The following UTRN variants were observed in gnomAD, a reference collection of about 807,000 sequenced individuals.
The protein encoded by UTRN is utrophin, also known as dystrophin-related protein 1.
A neutral mutation model predicts 463.9 loss-of-function variants in UTRN; 283 were observed. The ratio of observed to expected loss-of-function variants is 0.61; its 90% confidence interval spans 0.55 to 0.67. UTRN has a LOEUF of 0.67. UTRN is among the 30% of genes least tolerant of loss of function. The pLI is 0.00. For synonymous variants in UTRN, 1,442 were observed against 1,431.5 expected (o/e 1.01, Z -0.17); for missense variants, 3,922 against 4,084.3 (o/e 0.96, Z 1.08).
intron 50 of UTRN, among the ~76,000 whole-genome samples, chr6:144,571,756 ATATGCCTAGTTT>A (rs1169766222): frequency 6.6e-5 from 10 of 152,130 alleles, no homozygotes; most frequent in South Asian, 2.1e-4. Flanking sequence ...CCTTATTTTT[ATATGCCTAGTTT>A]TCTTTGCACC....
intron 9 of UTRN, among the ~76,000 whole-genome samples, chr6:144,429,967 C>A (rs538838248): frequency 3.2e-4 from 49 of 152,282 alleles, no homozygotes; most frequent in African/African-American, 1.2e-3. Flanking sequence ...CTTTATTTCA[C>A]CCAGCAAAAC....
rs750606025 is a variant in UTRN, at chr6:144,521,932, A to AAG, written c.5542-44_5542-43dup. ...TTATTATTCATTGTGGGGGTATTTT[A>AAG]AGAGATATATATATATATATATATT... On this transcript the variant is annotated intron_variant, in intron 39 of 74. Coordinates refer to ENST00000367545, the MANE Select transcript of UTRN (RefSeq NM_007124.3). 13 of 1,117,918 alleles carry AAG rather than the reference A, an allele frequency of 1.2e-5. No homozygotes were observed. The East Asian group carries it at 2.5e-4, about 21-fold the overall frequency. The allele number at this position is 1,117,918 out of a possible 1,614,324, so 69.2% of individuals were successfully genotyped here. A position where few individuals can be genotyped will look rare whatever the true frequency, so the allele number is the denominator to read the frequency against.
intron 51 of UTRN, among the ~76,000 whole-genome samples, chr6:144,639,447 T>G (rs1432896719): frequency 6.6e-6 from 1 of 152,224 alleles, no homozygotes; most frequent in Non-Finnish European, 1.5e-5. Context: ...TTGCTTTGTC[T>G]CCATCCCATA....
intron 53 of UTRN, among the ~76,000 whole-genome samples, chr6:144,703,245 A>G (rs747367928): frequency 3.3e-5 from 5 of 152,208 alleles, no homozygotes; most frequent in African/African-American, 4.8e-5. Context: ...TTTTAGAGAG[A>G]TAAGAAAACT....
Position 144,472,924 on chromosome 6 carries a change from G to A in UTRN, c.3067-796G>A, listed in dbSNP as rs117215387. 2.4e-3 allele frequency among the ~76,000 whole-genome samples: 361 copies of A among 151,930 alleles called. 12 individuals carry two copies. The East Asian group carries it at 0.057, about 24-fold the overall frequency. On this transcript the variant is annotated intron_variant, in intron 23 of 74. Transcript: ENST00000367545. ...GCTGGGACTACAGGTGCCCCACCAC[G>A]CCCCCAGCTAATTTTTGTATTTTTA... is the stretch of plus-strand genomic sequence containing the variant.
intron 2 of UTRN, among the ~76,000 whole-genome samples, chr6:144,371,072 A>G (rs113095211): frequency 3.3e-5 from 5 of 152,070 alleles, no homozygotes; most frequent in Admixed American, 6.6e-5. Context: ...GGGGCCTCCC[A>G]CTTATTCTAC....
At chr6:144,559,412 G>A (rs9373415) in intron 50 of UTRN, among the ~76,000 whole-genome samples, 16,469 of 151,522 alleles carry the variant, frequency 0.11, 1,676 homozygotes, top group East Asian at 0.54. Context: ...GGATCCCTTC[G>A]TGAATGATAA....
At chr6:144,456,106 T>A (rs1047857906) in intron 19 of UTRN, among the ~76,000 whole-genome samples, 26 of 152,136 alleles carry the variant, frequency 1.7e-4, no homozygotes, top group Middle Eastern at 3.4e-3. Context: ...TATTAAAAAA[T>A]TTTTTTTAGG....
At position 144,815,981 on chromosome 6, in the gene UTRN, A is replaced by T. The variant is rs372253661; in HGVS notation, c.9358-4901A>T. On this transcript the variant is annotated intron_variant, in intron 65 of 74. Coordinates refer to ENST00000367545, the MANE Select transcript of UTRN (RefSeq NM_007124.3). Reference sequence around the variant, plus strand: ...ACACTTAGCATGAACAGCTGCTAAGATCACCTAAGAGAGGTGACAGCTATT... The same window carrying T: ...ACACTTAGCATGAACAGCTGCTAAGTTCACCTAAGAGAGGTGACAGCTATT... 1.1e-4 allele frequency among the ~76,000 whole-genome samples: 16 copies of T among 152,342 alleles called. No homozygotes were observed. In the East Asian group the frequency reaches 2.9e-3, roughly 28 times the overall value.
At chr6:144,512,577 TG>T (rs1795270067) in intron 35 of UTRN, among the ~76,000 whole-genome samples, 1 of 151,906 alleles carries the variant, frequency 6.6e-6, no homozygotes, top group African/African-American at 2.4e-5. Flanking sequence ...TTTCTGAGGC[TG>T]GGTGTCAGTC....
At chr6:144,684,326 A>G (rs563657799) in intron 52 of UTRN, among the ~76,000 whole-genome samples, 2 of 152,310 alleles carry the variant, frequency 1.3e-5, no homozygotes, top group South Asian at 4.1e-4. Context: ...CTGGGATTAC[A>G]GACGTGAGCC....
chr6:144,424,999 A>G (rs1422184455), intron 6 of UTRN, among the ~76,000 whole-genome samples: 1 of 152,206 alleles, frequency 6.6e-6, no homozygotes, highest in Non-Finnish European at 1.5e-5. Context: ...CAATTATGTA[A>G]TCTACAGATC....
chr6:144,839,191 A>C lies in UTRN; in HGVS notation c.10084A>C (p.Ile3362Leu). 1 of 1,614,036 alleles carries C rather than the reference A, an allele frequency of 6.2e-7. No individual in the cohort carries two copies. The highest frequency in any genetic ancestry group is 1.1e-5 in the South Asian group (1 of 91,072). The change falls in exon 72 of 75, where the codon ATC (isoleucine) becomes CTC (leucine). Residue 3362 changes from isoleucine to leucine, a missense_variant. Ile to Leu is a conservative substitution (Grantham distance 5). Transcript: ENST00000367545. ...LLEQPESDSRINGVSPWASPQ... is the reference protein window; with the variant it reads ...LLEQPESDSRLNGVSPWASPQ... ...GTTCCAGCCTGAATCTGATTCCCGAATCAATGGTGTTTCCCCATGGGCTTC... is the reference window on the plus strand; with the variant it reads ...GTTCCAGCCTGAATCTGATTCCCGACTCAATGGTGTTTCCCCATGGGCTTC...
At chr6:144,487,831 G>A in intron 29 of UTRN, 134 bp downstream of exon 29, 1 of 724,984 alleles carries the variant, frequency 1.4e-6, no homozygotes. Flanking sequence ...TGCTAACAGG[G>A]GCATTGAGGG....
intron 2 of UTRN, among the ~76,000 whole-genome samples, chr6:144,388,251 T>C (rs547763682): frequency 1.2e-3 from 189 of 152,272 alleles, no homozygotes; most frequent in Non-Finnish European, 2.5e-3. Flanking sequence ...CCTTAATACA[T>C]TGTGAAAATC....
At chr6:144,466,044 C>G (rs1346213627) in intron 23 of UTRN, among the ~76,000 whole-genome samples, 1 of 152,160 alleles carries the variant, frequency 6.6e-6, no homozygotes, top group African/African-American at 2.4e-5. Flanking sequence ...CTGGGGGCAG[C>G]TAATATTAAC....
At chr6:144,527,416 C>T (rs1796662108) in intron 41 of UTRN, among the ~76,000 whole-genome samples, 1 of 152,198 alleles carries the variant, frequency 6.6e-6, no homozygotes, top group African/African-American at 2.4e-5. Context: ...TTTTGCCTCA[C>T]AACTGTCAAT....
intron 53 of UTRN, among the ~76,000 whole-genome samples, chr6:144,711,382 TTGAATC>T (rs1339704123): frequency 6.6e-6 from 1 of 152,048 alleles, no homozygotes; most frequent in African/African-American, 2.4e-5. Flanking sequence ...ATGGGTAAAG[TTGAATC>T]TTCCCATCTA....
At chr6:144,640,135 T>C (rs1777624314) in intron 51 of UTRN, among the ~76,000 whole-genome samples, 1 of 152,108 alleles carries the variant, frequency 6.6e-6, no homozygotes, top group African/African-American at 2.4e-5. Context: ...GATTATCTTT[T>C]GAAAATGTGT....
Sources: gnomAD v4.1 joint callset for allele counts (sites outside exome capture counted in the v4.1 genomes callset) on GRCh38, gnomAD v4.1.1 for gene constraint, MANE v1.5 for transcripts, NCBI Gene and HGNC (gene_info 2026-07-23, HGNC 2026-07-21) for gene names.